PAX3: variants seen among roughly 807,000 people sequenced by gnomAD.
PAX3 encodes paired box 3, also known as paired box protein Pax-3.
A neutral mutation model predicts 51.6 loss-of-function variants in PAX3; 14 were observed. That is an observed-to-expected ratio of 0.27 (90% CI 0.18 to 0.42). PAX3 has a LOEUF of 0.42. Ranked by LOEUF, PAX3 falls within the 10% of genes least tolerant of loss-of-function variation. The pLI, the probability that PAX3 is intolerant of heterozygous loss-of-function variation, is 1.00. For missense variants in PAX3, 540 were observed against 642.8 expected (o/e 0.84, Z 1.73); for synonymous variants, 280 against 253.4 (o/e 1.11, Z -1.00).
chr2:222,278,435 T>C (rs1311001122), intron 4 of PAX3, among the ~76,000 whole-genome samples: 1 of 152,234 alleles, frequency 6.6e-6, no homozygotes, highest in Non-Finnish European at 1.5e-5. Context: ...CTTCTGCTCC[T>C]TGGGGAAGGT....
chr2:222,297,266 A>G lies in PAX3; in HGVS notation c.86-53T>C, dbSNP rs928168354. 8.0e-6 allele frequency: 11 copies of G among 1,367,032 alleles called. No individual in the cohort carries two copies. In the African/African-American group the frequency reaches 1.4e-4, roughly 18 times the overall value. 84.7% of individuals were successfully genotyped at this position (1,367,032 alleles called of 1,614,324 possible). On this transcript the variant is annotated intron_variant, in intron 1 of 8. Coordinates refer to ENST00000392070, the MANE Select transcript of PAX3 (RefSeq NM_181458.4). ...GGGAAAAGTCACTGGAGGAAAATAA[A>G]AAGCAAAGAACAGCAGCACGTAATT...
rs916815868 is a variant in PAX3 at position 222,292,276 on chromosome 2, C to T, written c.586+1891G>A. Among the ~76,000 whole-genome samples, 6 of 152,280 alleles carry T rather than the reference C, an allele frequency of 3.9e-5. No homozygotes were observed. In the South Asian group the frequency reaches 1.2e-3, roughly 32 times the overall value. On this transcript the variant is annotated intron_variant, in intron 4 of 8. Coordinates refer to ENST00000392070, the MANE Select transcript of PAX3 (RefSeq NM_181458.4). ...GCCTTTTGTGGTGCTGTTTTCTCTT[C>T]TTTTCTCCTTGAATTATAAAAAGGT... is the stretch of plus-strand genomic sequence containing the variant.
Position 222,228,752 on chromosome 2 carries a change from T to C in PAX3, c.792+3326A>G, listed in dbSNP as rs192369981. Among the ~76,000 whole-genome samples the C allele has an allele frequency of 1.2e-3, 184 of 152,054 alleles. 2 individuals are homozygous for C. The highest frequency in any genetic ancestry group is 1.3e-4 in the Non-Finnish European group (9 of 67,968). ...GAGCTCAAGACCAACCTGAGCAACA[T>C]AGCAAGACCCCAGCTCTACAAAAAA... On this transcript the variant is annotated intron_variant, in intron 5 of 8. Coordinates refer to ENST00000392070, the MANE Select transcript of PAX3 (RefSeq NM_181458.4).
chr2:222,235,614 C>A (rs1445902683), intron 4 of PAX3, among the ~76,000 whole-genome samples: 1 of 152,016 alleles, frequency 6.6e-6, no homozygotes, highest in East Asian at 1.9e-4. Context: ...TAATGAAAAG[C>A]CTCAGAATTT....
At chr2:222,276,139 C>A (rs903164165) in intron 4 of PAX3, among the ~76,000 whole-genome samples, 3 of 152,184 alleles carry the variant, frequency 2.0e-5, no homozygotes, top group African/African-American at 7.2e-5. Context: ...GGGAATGTCA[C>A]CCTCCTGTGT....
intron 7 of PAX3, among the ~76,000 whole-genome samples, chr2:222,215,377 C>A (rs1169485831): frequency 1.3e-5 from 2 of 152,074 alleles, no homozygotes; most frequent in Non-Finnish European, 2.9e-5. Flanking sequence ...ATTTTGTATA[C>A]TACAAAACAA....
At chr2:222,241,645 T>C (rs1347725210) in intron 4 of PAX3, among the ~76,000 whole-genome samples, 1 of 152,258 alleles carries the variant, frequency 6.6e-6, no homozygotes, top group Non-Finnish European at 1.5e-5. Context: ...CTAAACTGTT[T>C]CATGCTTAAA....
intron 7 of PAX3, among the ~76,000 whole-genome samples, chr2:222,218,510 A>C (rs1692055930): frequency 6.6e-6 from 1 of 152,162 alleles, no homozygotes; most frequent in Non-Finnish European, 1.5e-5. Context: ...TTTTATTAAA[A>C]CTTTCAACCA....
chr2:222,252,033 G>A (rs1428258149), intron 4 of PAX3, among the ~76,000 whole-genome samples: 1 of 152,154 alleles, frequency 6.6e-6, no homozygotes. Flanking sequence ...TCCATTGCCT[G>A]TTTTTACCTC....
At position 222,200,820 on chromosome 2, in the gene PAX3, T is replaced by C. The variant is rs945878829; in HGVS notation, c.*588A>G. ...CAAATAATTTATTTAGGAGGTCCTT[T>C]ACAGCTAGTCTAGCTTCCTAAAAAT... On this transcript the variant is annotated 3_prime_UTR_variant, in exon 9 of 9. Transcript: ENST00000392070. 2.5e-5 allele frequency: 9 copies of C among 355,372 alleles called. No individual in the cohort carries two copies. The allele number at this position is 355,372 out of a possible 1,614,324, so 22.0% of individuals were successfully genotyped here.
At chr2:222,293,663 C>A in intron 4 of PAX3, 1 of 1,614,074 alleles carries the variant, frequency 6.2e-7, no homozygotes, top group South Asian at 1.1e-5. Flanking sequence ...TATAAGGCAG[C>A]CAATGTGGGG....
intron 4 of PAX3, among the ~76,000 whole-genome samples, chr2:222,249,015 G>A (rs45482507): frequency 7.8e-4 from 119 of 152,208 alleles, no homozygotes; most frequent in African/African-American, 2.7e-3. Context: ...CAGTAAACAA[G>A]GAGGCTCTTT....
At chr2:222,251,971 T>C (rs1418577589) in intron 4 of PAX3, among the ~76,000 whole-genome samples, 1 of 152,106 alleles carries the variant, frequency 6.6e-6, no homozygotes, top group African/African-American at 2.4e-5. Flanking sequence ...GACAAAACAA[T>C]ACCTCCAAAT....
At chr2:222,291,306 T>C (rs1695029151) in intron 4 of PAX3, among the ~76,000 whole-genome samples, 1 of 152,064 alleles carries the variant, frequency 6.6e-6, no homozygotes, top group Non-Finnish European at 1.5e-5. Flanking sequence ...GGGGTTCGTG[T>C]TAGTGAACCG....
rs1006456331 is a variant in PAX3, at chr2:222,237,707, C to T, written c.587-5424G>A. On this transcript the variant is annotated intron_variant, in intron 4 of 8. Transcript: ENST00000392070. The stretch of plus-strand genomic sequence containing the variant: ...ACCATTTGCAGTCTTTACTAAGAAC[C>T]ATCACAGACCATTGATATCTAGGGT... Among the ~76,000 whole-genome samples the T allele has an allele frequency of 2.6e-5, 4 of 152,262 alleles. No individual in the cohort carries two copies. The South Asian group carries it at 8.3e-4, about 32-fold the overall frequency.
intron 4 of PAX3, among the ~76,000 whole-genome samples, chr2:222,268,322 A>G (rs954690176): frequency 5.9e-5 from 9 of 152,204 alleles, no homozygotes; most frequent in African/African-American, 2.2e-4. Context: ...GTTTGCTCAC[A>G]CTTTCAAAGA....
chr2:222,201,052 C>A lies in PAX3; in HGVS notation c.*356G>T. The A allele has an allele frequency of 9.9e-7, 1 of 1,013,594 alleles. No individual in the cohort carries two copies. Among genetic ancestry groups the A allele is most frequent in the Non-Finnish European group, 1.5e-6 (1 of 665,730 alleles). 62.8% of individuals were successfully genotyped at this position (1,013,594 alleles called of 1,614,324 possible). A position where few individuals can be genotyped will look rare whatever the true frequency, so the allele number is the denominator to read the frequency against. ...ATCTCAATACACACACACACACACA[C>A]ACGCACGCACGCACACAAGCAAATG... On this transcript the variant is annotated 3_prime_UTR_variant, in exon 9 of 9. Coordinates refer to ENST00000392070, the MANE Select transcript of PAX3 (RefSeq NM_181458.4).
intron 4 of PAX3, among the ~76,000 whole-genome samples, chr2:222,283,120 G>A (rs995099013): frequency 3.9e-5 from 6 of 152,194 alleles, no homozygotes; most frequent in African/African-American, 9.7e-5. Context: ...ACTCACACGT[G>A]TGCCAAATGG....
intron 5 of PAX3, among the ~76,000 whole-genome samples, chr2:222,231,542 T>C (rs1284872190): frequency 6.6e-6 from 1 of 152,244 alleles, no homozygotes; most frequent in East Asian, 1.9e-4. Flanking sequence ...TTTCATGTTA[T>C]GCACCTTTGC....
Sources: allele counts gnomAD v4.1 joint callset (sites outside exome capture counted in the v4.1 genomes callset), GRCh38; gene constraint gnomAD v4.1.1; transcripts MANE v1.5; gene names NCBI Gene and HGNC (gene_info 2026-07-23, HGNC 2026-07-21).